Variants in ADGRB1 observed in about 807,000 individuals in gnomAD.
ADGRB1 encodes adhesion G protein-coupled receptor B1, also known as brain-specific angiogenesis inhibitor 1.
ADGRB1 carries 36 observed loss-of-function variants against 175.7 expected under a neutral mutation model. The observed-to-expected ratio is 0.20, with a 90% CI of 0.16 to 0.27. ADGRB1 has a LOEUF of 0.27. Ranked by LOEUF, ADGRB1 falls within the 10% of genes least tolerant of loss-of-function variation. The pLI, the probability that ADGRB1 is intolerant of heterozygous loss-of-function variation, is 1.00. For synonymous variants in ADGRB1, 1,054 were observed against 979.4 expected (o/e 1.08, Z -1.42); for missense variants, 1,731 against 2,255.3 (o/e 0.77, Z 4.71).
intron 17 of ADGRB1, among the ~76,000 whole-genome samples, chr8:142,503,399 G>T (rs1189741949): frequency 6.6e-6 from 1 of 152,090 alleles, no homozygotes; most frequent in African/African-American, 2.4e-5. Flanking sequence ...CCAGGCCAGG[G>T]AGGCACCTGC....
At chr8:142,522,515 C>T in intron 21 of ADGRB1, 126 bp from the exon 22 acceptor site, 1 of 948,544 alleles carries the variant, frequency 1.1e-6, no homozygotes, top group African/African-American at 1.7e-5. Flanking sequence ...TTGCTCAGCC[C>T]CATCCTCTGT....
rs1369713653 is a variant in ADGRB1, at chr8:142,510,616, C to T, written c.2676-316C>T. ...GGGGGCGGCGGGGGCGCGGGGCGGGCGACTGCCGGGCCCCGGGCCAGCTCT... is the reference window on the plus strand; with the variant it reads ...GGGGGCGGCGGGGGCGCGGGGCGGGTGACTGCCGGGCCCCGGGCCAGCTCT... On this transcript the variant is annotated intron_variant, in intron 17 of 30. Coordinates refer to ENST00000517894, the MANE Select transcript of ADGRB1 (RefSeq NM_001702.3). This position sits in a 1 kb window ranked among gnomAD's most constrained non-coding sequence, Gnocchi z 6.3. 4.1e-5 allele frequency among the ~76,000 whole-genome samples: 6 copies of T among 145,906 alleles called. No homozygotes were observed. The highest frequency in any genetic ancestry group is 1.5e-4 in the African/African-American group (6 of 40,654).
chr8:142,544,593 G>T lies in ADGRB1; in HGVS notation c.*176G>T, dbSNP rs1845479595. 4.0e-6 allele frequency: 3 copies of T among 744,966 alleles called. No individual in the cohort carries two copies. The highest frequency in any genetic ancestry group is 3.1e-5 in the South Asian group (1 of 32,740). The allele number at this position is 744,966 out of a possible 1,614,324, so 46.1% of individuals were successfully genotyped here. On this transcript the variant is annotated 3_prime_UTR_variant, in exon 31 of 31. Transcript: ENST00000517894. ...CGCAGTGCTGGGACCAGAGCCAGAT[G>T]CAGGACAGGAGGCGGCCCGGCCAGC...
intron 6 of ADGRB1, 77 bp downstream of exon 6, chr8:142,477,626 A>G: frequency 6.6e-7 from 1 of 1,515,648 alleles, no homozygotes; most frequent in Non-Finnish European, 8.9e-7. Context: ...GGCCAGGCCC[A>G]GGAGCCCAGC....
chr8:142,466,851 G>C (rs1352710259), intron 2 of ADGRB1, among the ~76,000 whole-genome samples: 1 of 152,176 alleles, frequency 6.6e-6, no homozygotes, highest in East Asian at 1.9e-4. Context: ...GCCACTCCTG[G>C]TCACTTCACC....
intron 18 of ADGRB1, among the ~76,000 whole-genome samples, chr8:142,513,304 C>A (rs1184358997): frequency 6.6e-6 from 1 of 152,126 alleles, no homozygotes; most frequent in Non-Finnish European, 1.5e-5. Flanking sequence ...GGGCTCTGGG[C>A]ACCAGCAGGG....
At chr8:142,536,772 G>A (rs556265567) in intron 25 of ADGRB1, among the ~76,000 whole-genome samples, 3 of 152,172 alleles carry the variant, frequency 2.0e-5, no homozygotes, top group Non-Finnish European at 1.5e-5. Flanking sequence ...CAGGAGAGGG[G>A]TAGGCTGTTC....
rs1587458116 is a variant in ADGRB1 at position 142,543,920 on chromosome 8, G to A, written c.4557+212G>A. Among the ~76,000 whole-genome samples, 1 of 152,180 alleles carries A rather than the reference G, an allele frequency of 6.6e-6. No individual in the cohort carries two copies. Among genetic ancestry groups the A allele is most frequent in the East Asian group, 1.9e-4 (1 of 5,184 alleles). On this transcript the variant is annotated intron_variant, in intron 30 of 30. Transcript: ENST00000517894. This position sits in a 1 kb window ranked among gnomAD's most constrained non-coding sequence, Gnocchi z 4.4. ...CATACTGGGAGCTGAGCGGTCACGAGCCTGCTCCTGGGGCCAGGGGTCTGG... is the reference window on the plus strand; with the variant it reads ...CATACTGGGAGCTGAGCGGTCACGAACCTGCTCCTGGGGCCAGGGGTCTGG...
At position 142,464,864 on chromosome 8, in the gene ADGRB1, C is replaced by G. The variant is rs1246837799; in HGVS notation, c.666C>G (p.Gly222=). The G allele has an allele frequency of 6.6e-7, 1 of 1,521,168 alleles. No homozygotes were observed. Among genetic ancestry groups the G allele is most frequent in the Non-Finnish European group, 8.8e-7 (1 of 1,140,232 alleles). 94.2% of individuals were successfully genotyped at this position (1,521,168 alleles called of 1,614,324 possible). The change falls in exon 2 of 31, where the codon GGC becomes GGG. Residue 222 remains glycine (G), a synonymous_variant. Transcript: ENST00000517894. ...CCTGCCTGGGCGGCGAGGCGGGCGGCCCTGCCGCGGGACCCCTGGCCCCCC... is the reference window on the plus strand; with the variant it reads ...CCTGCCTGGGCGGCGAGGCGGGCGGGCCTGCCGCGGGACCCCTGGCCCCCC... ...PCACLGGEAG[G]PAAGPLAPRG... is the part of the protein sequence containing the mutation.
chr8:142,543,387 C>T lies in ADGRB1; in HGVS notation c.4414-16C>T, dbSNP rs372348331. ...GGGACCCTTGGCGAATGTTCGCAAA[C>T]CCCTTCTCCCTGCAGCGGCGGAAGT... is the stretch of plus-strand genomic sequence containing the variant. On this transcript the variant is annotated splice_polypyrimidine_tract_variant and intron_variant, in intron 28 of 30. Transcript: ENST00000517894. The surrounding 1 kb of genome is among the most constrained non-coding windows in gnomAD (Gnocchi z 4.4). The T allele has an allele frequency of 9.9e-6, 16 of 1,613,680 alleles. No homozygotes were observed. In the Admixed American group the frequency reaches 1.2e-4, roughly 12 times the overall value.
chr8:142,490,775 A>G lies in ADGRB1; in HGVS notation c.2635A>G (p.Thr879Ala). Residue 879 changes from threonine to alanine, a missense_variant, in exon 17 of 31, where the codon ACC becomes GCC. Physicochemically the swap from Thr to Ala is moderately conservative, Grantham distance 58 (BLOSUM62 0). Around this residue, in one of 8 missense-constraint regions of ADGRB1, gnomAD observed 388 missense variants for 630.9 expected, o/e 0.61. Transcript: ENST00000517894. ...ACTCCTCTCCCCTCTCTCCCAGGGC[A>G]CCACCAACCAGACCTGTATCCTGTG... ...EIEFAHMYNGTTNQTCILWDE... is the reference protein window; with the variant it reads ...EIEFAHMYNGATNQTCILWDE... 6.3e-7 allele frequency: 1 copy of G among 1,580,914 alleles called. No individual in the cohort carries two copies.
chr8:142,510,879 C>T lies in ADGRB1; in HGVS notation c.2676-53C>T. The T allele has an allele frequency of 1.0e-6, 1 of 997,504 alleles. No individual in the cohort carries two copies. The highest frequency in any genetic ancestry group is 1.2e-6 in the Non-Finnish European group (1 of 831,792). 61.8% of individuals were successfully genotyped at this position (997,504 alleles called of 1,614,324 possible). A position where few individuals can be genotyped will look rare whatever the true frequency, so the allele number is the denominator to read the frequency against. ...CTCGGGGGCCGGGGCGCCCGCGTCCCCGCCGCCGCTGACGCTCCGCCTGTC... is the reference window on the plus strand; with the variant it reads ...CTCGGGGGCCGGGGCGCCCGCGTCCTCGCCGCCGCTGACGCTCCGCCTGTC... On this transcript the variant is annotated intron_variant, in intron 17 of 30. Coordinates refer to ENST00000517894, the MANE Select transcript of ADGRB1 (RefSeq NM_001702.3). The surrounding 1 kb of genome is among the most constrained non-coding windows in gnomAD (Gnocchi z 6.3).
intron 17 of ADGRB1, among the ~76,000 whole-genome samples, chr8:142,498,784 CT>C (rs1262518827): frequency 6.6e-6 from 1 of 152,200 alleles, no homozygotes. Context: ...CCCCTCCTGC[CT>C]CCATTCTTTT....
intron 17 of ADGRB1, among the ~76,000 whole-genome samples, chr8:142,500,488 TGGAGGGG>T (rs1842468306): frequency 6.7e-6 from 1 of 149,354 alleles, no homozygotes; most frequent in Non-Finnish European, 1.5e-5. Flanking sequence ...CGAGGGCATG[TGGAGGGG>T]CGGCTGCAGG....
chr8:142,469,183 ATG>A (rs1205209724), intron 2 of ADGRB1, among the ~76,000 whole-genome samples: 2 of 148,172 alleles, frequency 1.3e-5, no homozygotes, highest in African/African-American at 2.5e-5. Flanking sequence ...ATGTGTGTGA[ATG>A]TGTGCACATG....
intron 1 of ADGRB1, among the ~76,000 whole-genome samples, chr8:142,456,444 C>A (rs757591663): frequency 2.2e-4 from 34 of 152,194 alleles, no homozygotes; most frequent in Non-Finnish European, 4.7e-4. Flanking sequence ...CTTCCTCACC[C>A]CCCCGAAGCA....
intron 21 of ADGRB1, 27 bp from the exon 22 acceptor site, chr8:142,522,614 A>G (rs1420517731): frequency 7.8e-6 from 12 of 1,540,164 alleles, no homozygotes; most frequent in Non-Finnish European, 7.9e-6. Flanking sequence ...GGGTGGGGCC[A>G]ACACCCTCTC....
At chr8:142,513,250 G>T (rs1843203505) in intron 18 of ADGRB1, among the ~76,000 whole-genome samples, 1 of 152,188 alleles carries the variant, frequency 6.6e-6, no homozygotes. Context: ...AGATGGGAGG[G>T]CGGTTGGCTC....
intron 1 of ADGRB1, among the ~76,000 whole-genome samples, chr8:142,451,105 A>G (rs1289638724): frequency 1.3e-5 from 2 of 152,072 alleles, no homozygotes; most frequent in Non-Finnish European, 2.9e-5. Flanking sequence ...CCCTCTCCCT[A>G]GGTCCCCGCG....
Sources: gnomAD v4.1 joint callset for allele counts (sites outside exome capture counted in the v4.1 genomes callset) on GRCh38, gnomAD v4.1.1 for gene constraint, gnomAD v4.1.1 regional missense constraint, Gnocchi (gnomAD v3.1) non-coding constraint, MANE v1.5 for transcripts, NCBI Gene and HGNC (gene_info 2026-07-23, HGNC 2026-07-21) for gene names.